PCDH15: variants seen among roughly 807,000 people sequenced by gnomAD.
The protein encoded by PCDH15 is protocadherin related 15.
In PCDH15, 129 loss-of-function variants were observed where a neutral mutation model predicts 178.5. The ratio of observed to expected loss-of-function variants is 0.72; its 90% confidence interval spans 0.63 to 0.84. The LOEUF is 0.84. Among genes scored for constraint, PCDH15 ranks in the 40% least tolerant of loss-of-function variants. PCDH15 has a pLI of 0.00. For synonymous variants in PCDH15, 800 were observed against 732.0 expected (o/e 1.09, Z -1.50); for missense variants, 2,230 against 2,099.9 (o/e 1.06, Z -1.21).
At chr10:55,033,629 A>C (rs1840665007) in intron 2 of PCDH15, among the ~76,000 whole-genome samples, 1 of 152,180 alleles carries the variant, frequency 6.6e-6, no homozygotes, top group Admixed American at 6.5e-5. Context: ...CCCCAGGATG[A>C]AACACTCTTG....
intron 37 of PCDH15, chr10:53,808,381 A>G (rs2075737066): frequency 3.0e-6 from 3 of 1,001,286 alleles, no homozygotes; most frequent in Middle Eastern, 4.7e-4. Flanking sequence ...ACAGAGTGTC[A>G]CTGATAATAC....
At position 54,067,680 on chromosome 10, in the gene PCDH15, T is replaced by C. The variant is rs573275368; in HGVS notation, c.2092-795A>G. Among the ~76,000 whole-genome samples the C allele has an allele frequency of 5.9e-5, 9 of 152,274 alleles. No individual in the cohort carries two copies. In the South Asian group the frequency reaches 1.2e-3, roughly 21 times the overall value. ...CAGTGTGGGGCTGATCACAAAAGGC[T>C]GAGAGCAAAGGTACAGAGAGAAAGA... On this transcript the variant is annotated intron_variant, in intron 17 of 37. Transcript: ENST00000644397.
At chr10:54,033,882 G>C (rs1337448197) in intron 18 of PCDH15, among the ~76,000 whole-genome samples, 1 of 151,788 alleles carries the variant, frequency 6.6e-6, no homozygotes, top group Non-Finnish European at 1.5e-5. Flanking sequence ...CTAGTATTCT[G>C]TTGGGTTCAA....
At chr10:54,148,217 A>G (rs55918001) in intron 14 of PCDH15, among the ~76,000 whole-genome samples, 4,500 of 151,896 alleles carry the variant, frequency 0.03, 85 homozygotes, top group Middle Eastern at 0.082. Context: ...AAAGTATTCT[A>G]TATATTTCTT....
chr10:54,523,908 G>T (rs919758988), intron 3 of PCDH15, among the ~76,000 whole-genome samples: 2 of 152,118 alleles, frequency 1.3e-5, no homozygotes, highest in African/African-American at 4.8e-5. Context: ...GAGAAGAAAG[G>T]CCTTAAAGAC....
At chr10:54,284,591 A>G (rs1344395327) in intron 8 of PCDH15, among the ~76,000 whole-genome samples, 1 of 152,176 alleles carries the variant, frequency 6.6e-6, no homozygotes. Context: ...TAAAGGTTGA[A>G]GTTTTCACAG....
intron 3 of PCDH15, among the ~76,000 whole-genome samples, chr10:54,494,658 C>A (rs1160944916): frequency 1.3e-5 from 2 of 152,108 alleles, no homozygotes; most frequent in Non-Finnish European, 2.9e-5. Context: ...AAGACATACC[C>A]TTTTTGCCTA....
chr10:54,736,512 T>A (rs1944146897), intron 1 of PCDH15, among the ~76,000 whole-genome samples: 1 of 150,454 alleles, frequency 6.6e-6, no homozygotes, highest in African/African-American at 2.5e-5. Flanking sequence ...TTATCTTCTT[T>A]CTAAGAATAC....
At chr10:54,291,537 G>T (rs531984693) in intron 8 of PCDH15, among the ~76,000 whole-genome samples, 5 of 152,244 alleles carry the variant, frequency 3.3e-5, no homozygotes, top group South Asian at 2.1e-4. Context: ...CCAGGAGCTG[G>T]TTTTTTGAAA....
Position 55,404,421 on chromosome 10 carries a change from G to A in PCDH15, c.-156+223204C>T, listed in dbSNP as rs76097245. ...TTTTGCAATGGCACTTTTTCTGAGC[G>A]TCACTAGCATAATTTTACTTATTAT... is the stretch of plus-strand genomic sequence containing the variant. On this transcript the variant is annotated intron_variant, in intron 2 of 5. Transcript: ENST00000613346. 8.0e-3 allele frequency among the ~76,000 whole-genome samples: 1,214 copies of A among 152,062 alleles called. 15 individuals carry two copies. Among genetic ancestry groups the A allele is most frequent in the African/African-American group, 0.026 (1,085 of 41,516 alleles).
At chr10:53,865,567 G>A (rs574546369) in intron 27 of PCDH15, among the ~76,000 whole-genome samples, 13 of 152,226 alleles carry the variant, frequency 8.5e-5, no homozygotes, top group East Asian at 3.9e-4. Context: ...AGTGTTTACC[G>A]ATCTTAATTT....
At chr10:54,833,973 A>C (rs956959846) in intron 3 of PCDH15, among the ~76,000 whole-genome samples, 49 of 152,094 alleles carry the variant, frequency 3.2e-4, no homozygotes, top group African/African-American at 1.2e-3. Context: ...AATATGATCA[A>C]ATTATTAGGC....
At chr10:55,570,461 G>T (rs1842387491) in intron 2 of PCDH15, among the ~76,000 whole-genome samples, 1 of 151,872 alleles carries the variant, frequency 6.6e-6, no homozygotes, top group African/African-American at 2.4e-5. Flanking sequence ...ATTTAAGTTA[G>T]AAAGAAGTTT....
intron 20 of PCDH15, among the ~76,000 whole-genome samples, chr10:54,017,666 G>T (rs2092784360): frequency 6.6e-6 from 1 of 151,558 alleles, no homozygotes; most frequent in Non-Finnish European, 1.5e-5. Context: ...AAGAAGCGGG[G>T]GTTGAGAAAC....
chr10:54,059,007 T>A (rs1244778356), intron 18 of PCDH15, among the ~76,000 whole-genome samples: 3 of 152,112 alleles, frequency 2.0e-5, no homozygotes, highest in African/African-American at 7.2e-5. Flanking sequence ...ACTTATTTCT[T>A]CTAACAGTAT....
chr10:53,860,970 C>A (rs2079069802), intron 27 of PCDH15, among the ~76,000 whole-genome samples: 1 of 151,972 alleles, frequency 6.6e-6, no homozygotes, highest in Non-Finnish European at 1.5e-5. Context: ...CCCACACTTA[C>A]CTCTAAATCA....
In PCDH15 at chr10:54,296,002, G is replaced by T. The variant is rs1336279118; in HGVS notation, c.876+21269C>A. 2.0e-5 allele frequency among the ~76,000 whole-genome samples: 3 copies of T among 150,836 alleles called. No homozygotes were observed. In the South Asian group the frequency reaches 6.3e-4, roughly 32 times the overall value. On this transcript the variant is annotated intron_variant, in intron 8 of 37. Transcript: ENST00000644397. ...TACTAAAAAATACAAAAAATTAGCC[G>T]GGCGTAGTGGCGGGCGCCTGTGGTC...
At position 53,805,619 on chromosome 10, in the gene PCDH15, A is replaced by T. The variant is rs1384654524; in HGVS notation, c.*960T>A. On this transcript the variant is annotated 3_prime_UTR_variant, in exon 38 of 38. Coordinates refer to ENST00000644397, the MANE Select transcript of PCDH15 (RefSeq NM_001384140.1). ...AATTCATAGCCTTTATAAGCTTTAT[A>T]TATTATATACATTTCAACCCTGCCA... 6.6e-6 allele frequency: 1 copy of T among 152,068 alleles called. No homozygotes were observed. Among genetic ancestry groups the T allele is most frequent in the Non-Finnish European group, 1.5e-5 (1 of 67,998 alleles). 9.4% of individuals were successfully genotyped at this position (152,068 alleles called of 1,614,324 possible).
At chr10:54,371,469 T>G (rs1947660308) in intron 4 of PCDH15, among the ~76,000 whole-genome samples, 1 of 151,858 alleles carries the variant, frequency 6.6e-6, no homozygotes, top group Non-Finnish European at 1.5e-5. Context: ...ATTTTAAATT[T>G]AACAACATAT....
Sources: allele counts gnomAD v4.1 joint callset (sites outside exome capture counted in the v4.1 genomes callset), GRCh38; gene constraint gnomAD v4.1.1; transcripts MANE v1.5; gene names NCBI Gene and HGNC (gene_info 2026-07-23, HGNC 2026-07-21).